Variants in INPP4A observed in about 807,000 individuals in gnomAD.
INPP4A encodes inositol polyphosphate-4-phosphatase type I A, also known as inositol polyphosphate-4-phosphatase, type I, 107kD.
A neutral mutation model predicts 119.8 loss-of-function variants in INPP4A; 33 were observed. That is an observed-to-expected ratio of 0.28 (90% CI 0.21 to 0.37). INPP4A has a LOEUF of 0.37. Ranked by LOEUF, INPP4A falls within the 10% of genes least tolerant of loss-of-function variation. The probability of loss-of-function intolerance (pLI) is 1.00; values close to 1 mark genes in which losing one functional copy is unlikely to be tolerated. For synonymous variants in INPP4A, 496 were observed against 500.7 expected, an observed-to-expected ratio of 0.99 and a Z score of 0.12; for missense variants, 956 against 1,289.9, an observed-to-expected ratio of 0.74 and a Z score of 3.97.
At position 98,554,327 on chromosome 2, in the gene INPP4A, G is replaced by T; in HGVS notation, c.1404G>T (p.Gly468=). 6.2e-7 allele frequency: 1 copy of T among 1,612,758 alleles called. No individual in the cohort carries two copies. The stretch of plus-strand genomic sequence containing the variant: ...AGCTCCTGGCCAACTCCATCCATGG[G>T]CTGAACGCTGCACGGCCTGACTACA... ...DCKLLANSIH[G]LNAARPDYIA... The change falls in exon 15 of 25, where the codon GGG becomes GGT. Residue 468 remains glycine, a synonymous_variant. Transcript: ENST00000409851. The surrounding 1 kb of genome is among the most constrained non-coding windows in gnomAD (Gnocchi z 4.7).
At chr2:98,548,481 G>A (rs1353105839) in intron 13 of INPP4A, among the ~76,000 whole-genome samples, 1 of 152,176 alleles carries the variant, frequency 6.6e-6, no homozygotes, top group East Asian at 1.9e-4. Context: ...ATGGGGTGGG[G>A]CCCTGAAGGA....
At position 98,519,030 on chromosome 2, in the gene INPP4A, G is replaced by A. The variant is rs537601147; in HGVS notation, c.-104+5G>A. 6 of 152,366 alleles carry A rather than the reference G, an allele frequency of 3.9e-5. No individual in the cohort carries two copies. Among genetic ancestry groups the A allele is most frequent in the African/African-American group, 1.4e-4 (6 of 41,592 alleles). The allele number at this position is 152,366 out of a possible 1,614,324, so 9.4% of individuals were successfully genotyped here. ...GTCCGAGAGCAAACATGTCCAGTAA[G>A]TTGTTTGGTGAATTAACCCAAGGAC... On this transcript the variant is annotated splice_donor_5th_base_variant and intron_variant, in intron 2 of 24. Transcript: ENST00000409851.
At chr2:98,445,773 C>G (rs1410117895) in intron 1 of INPP4A, among the ~76,000 whole-genome samples, 1 of 152,160 alleles carries the variant, frequency 6.6e-6, no homozygotes, top group African/African-American at 2.4e-5. Context: ...CGCCTGCCCT[C>G]TGACATTACA....
intron 5 of INPP4A, among the ~76,000 whole-genome samples, chr2:98,534,724 G>A (rs1194764333): frequency 6.6e-6 from 1 of 152,228 alleles, no homozygotes; most frequent in African/African-American, 2.4e-5. Context: ...GTGAGCCAGT[G>A]TAGGCTTCTG....
chr2:98,515,356 CTG>C (rs1685905275), intron 1 of INPP4A, among the ~76,000 whole-genome samples: 2 of 149,444 alleles, frequency 1.3e-5, no homozygotes, highest in South Asian at 2.1e-4. Context: ...CTTGTGCTGC[CTG>C]TGTTTGGAGA....
chr2:98,546,671 C>A lies in INPP4A; in HGVS notation c.1140C>A (p.His380Gln). 6.2e-7 allele frequency: 1 copy of A among 1,612,096 alleles called. No individual in the cohort carries two copies. The highest frequency in any genetic ancestry group is 8.5e-7 in the Non-Finnish European group (1 of 1,178,108). ...FKSGGLRKKL[H>Q]KFEETKKHTS... ...CAGGAGGTCTCCGCAAAAAGCTGCA[C>A]AAATTTGAAGAGACCAAGAAACAGT... Residue 380 changes from histidine to glutamine, a missense_variant, in exon 13 of 25, where the codon CAC becomes CAA. Transcript: ENST00000409851. This position sits in a 1 kb window ranked among gnomAD's most constrained non-coding sequence, Gnocchi z 4.2.
At chr2:98,565,928 C>T in intron 20 of INPP4A, 101 bp from the exon 21 acceptor site, 3 of 1,497,296 alleles carry the variant, frequency 2.0e-6, no homozygotes, top group Non-Finnish European at 2.7e-6. Context: ...CTGTGGTTGG[C>T]AGTTTGGCCA....
At chr2:98,502,344 A>G (rs901085776) in intron 1 of INPP4A, among the ~76,000 whole-genome samples, 6 of 148,522 alleles carry the variant, frequency 4.0e-5, no homozygotes, top group South Asian at 2.1e-4. Flanking sequence ...TAGTTTTTCT[A>G]TAGGTTTCTT....
At chr2:98,553,936 T>A (rs1176492238) in intron 14 of INPP4A, among the ~76,000 whole-genome samples, 2 of 152,222 alleles carry the variant, frequency 1.3e-5, no homozygotes, top group Non-Finnish European at 2.9e-5. Context: ...AAGGTGGAAG[T>A]CTGTCAAGGC....
intron 7 of INPP4A, 141 bp from the exon 8 acceptor site, chr2:98,537,722 G>A: frequency 3.1e-6 from 2 of 651,364 alleles, no homozygotes; most frequent in Non-Finnish European, 5.7e-6. Context: ...TGTGTGCACA[G>A]TGAATGCTGA....
chr2:98,562,090 C>T (rs905880368), intron 17 of INPP4A, among the ~76,000 whole-genome samples: 23 of 152,328 alleles, frequency 1.5e-4, no homozygotes, highest in African/African-American at 5.1e-4. Flanking sequence ...GCCGGGCCTC[C>T]ACATTTTCCA....
chr2:98,516,505 C>T (rs555740295), intron 1 of INPP4A, among the ~76,000 whole-genome samples: 2 of 152,218 alleles, frequency 1.3e-5, no homozygotes, highest in South Asian at 2.1e-4. Context: ...GGGTGAGTTT[C>T]GGAGCTTCCC....
intron 1 of INPP4A, among the ~76,000 whole-genome samples, chr2:98,475,419 T>A (rs190647439): frequency 6.6e-6 from 1 of 152,364 alleles, no homozygotes; most frequent in Non-Finnish European, 1.5e-5. Context: ...GAGGTCATCT[T>A]TCTTTCTCAG....
chr2:98,527,560 C>G (rs1442085685), intron 4 of INPP4A, among the ~76,000 whole-genome samples: 1 of 152,184 alleles, frequency 6.6e-6, no homozygotes, highest in Non-Finnish European at 1.5e-5. Flanking sequence ...GTGCACATGT[C>G]CAGAGCTGTG....
chr2:98,568,796 C>T, intron 22 of INPP4A, 128 bp downstream of exon 22: 1 of 650,084 alleles, frequency 1.5e-6, no homozygotes, highest in Non-Finnish European at 2.9e-6. Context: ...TTCCCTTTCT[C>T]CCTAAACACA....
Position 98,587,461 on chromosome 2 carries a change from T to C in INPP4A, c.2787-15T>C, listed in dbSNP as rs1183850995. 2 of 1,565,658 alleles carry C rather than the reference T, an allele frequency of 1.3e-6. No homozygotes were observed. The highest frequency in any genetic ancestry group is 8.6e-7 in the Non-Finnish European group (1 of 1,159,390). On this transcript the variant is annotated splice_polypyrimidine_tract_variant and intron_variant, in intron 24 of 24. Transcript: ENST00000409851. ...TTTTTACTGCCGTCATTTCTTGTGC[T>C]TGTTTTTTCCCCAGTGAGGGTTGTC...
rs773094224 is a variant in INPP4A, at chr2:98,537,985, C to G, written c.579+11C>G. On this transcript the variant is annotated intron_variant, in intron 8 of 24. Transcript: ENST00000409851. ...ACTGTCAATGGGAGGGTGAGTTACA[C>G]CACTTTCCTCCTCTCCCTTAGAAAG... The G allele has an allele frequency of 1.3e-6, 2 of 1,511,782 alleles. No individual in the cohort carries two copies. Among genetic ancestry groups the G allele is most frequent in the Non-Finnish European group, 1.8e-6 (2 of 1,092,580 alleles). 93.6% of individuals were successfully genotyped at this position (1,511,782 alleles called of 1,614,324 possible). A position where few individuals can be genotyped will look rare whatever the true frequency, so the allele number is the denominator to read the frequency against.
At position 98,592,237 on chromosome 2, in the gene INPP4A, T is replaced by TATA. The variant is rs1700437288; in HGVS notation, c.*4630_*4632dup. 2 of 152,298 alleles carry TATA rather than the reference T, an allele frequency of 1.3e-5. No individual in the cohort carries two copies. Among genetic ancestry groups the TATA allele is most frequent in the South Asian group, 4.1e-4 (2 of 4,830 alleles). 9.4% of individuals were successfully genotyped at this position (152,298 alleles called of 1,614,324 possible). A position where few individuals can be genotyped will look rare whatever the true frequency, so the allele number is the denominator to read the frequency against. ...TCTTAAGAGCCGATTTTCTGTAAGTTATAGTGAGGGCACTGCTCTGCTGTG... is the reference window on the plus strand; with the variant it reads ...TCTTAAGAGCCGATTTTCTGTAAGTTATAATAGTGAGGGCACTGCTCTGCTGTG... On this transcript the variant is annotated 3_prime_UTR_variant, in exon 25 of 25. Transcript: ENST00000409851.
chr2:98,579,891 A>G lies in INPP4A; in HGVS notation c.2786+2748A>G, dbSNP rs546049122. 3.3e-5 allele frequency among the ~76,000 whole-genome samples: 5 copies of G among 152,340 alleles called. No homozygotes were observed. The East Asian group carries it at 9.6e-4, about 29-fold the overall frequency. On this transcript the variant is annotated intron_variant, in intron 24 of 24. Transcript: ENST00000409851. ...TAAAAACAAAACAAAGCTCAATCCT[A>G]CTTTACCTGTGCCTGCCCCAGAATT...
Sources: allele counts gnomAD v4.1 joint callset (sites outside exome capture counted in the v4.1 genomes callset), GRCh38; gene constraint gnomAD v4.1.1; non-coding constraint Gnocchi (gnomAD v3.1); transcripts MANE v1.5; gene names NCBI Gene and HGNC (gene_info 2026-07-23, HGNC 2026-07-21).